Variants in TMEM164 observed in about 807,000 individuals in gnomAD.
TMEM164 encodes the protein transmembrane protein 164.
TMEM164 carries 4 observed loss-of-function variants against 18.8 expected under a neutral mutation model. That is an observed-to-expected ratio of 0.21 (90% CI 0.10 to 0.49). The LOEUF (loss-of-function observed/expected upper bound fraction) is 0.49. Among genes scored for constraint, TMEM164 ranks in the 20% least tolerant of loss-of-function variants. TMEM164 has a pLI of 0.98. For missense variants in TMEM164, 108 were observed against 239.9 expected, an observed-to-expected ratio of 0.45 and a Z score of 3.63; for synonymous variants, 86 against 101.7, an observed-to-expected ratio of 0.85 and a Z score of 0.93.
chrX:110,096,969 G>A (rs1036942970), intron 3 of TMEM164, among the ~76,000 whole-genome samples: 2 of 111,936 alleles, frequency 1.8e-5, no homozygotes, highest in Non-Finnish European at 3.8e-5. Context: ...GAAACAGAAA[G>A]TCAGTGCAGA....
intron 5 of TMEM164, among the ~76,000 whole-genome samples, chrX:110,165,790 A>G (rs1398821759): frequency 8.9e-6 from 1 of 111,881 alleles, no homozygotes; most frequent in African/African-American, 3.2e-5. Context: ...GAAGCCATAG[A>G]CCTGGAAGTT....
At chrX:110,076,441 C>T (rs1433149172) in intron 3 of TMEM164, among the ~76,000 whole-genome samples, 2 of 110,096 alleles carry the variant, frequency 1.8e-5, no homozygotes, top group African/African-American at 6.6e-5. Context: ...TTTTATTGAT[C>T]CTTGGTATGG....
At chrX:110,029,185 C>T (rs1214005003) in intron 2 of TMEM164, among the ~76,000 whole-genome samples, 1 of 111,372 alleles carries the variant, frequency 9.0e-6, no homozygotes, top group Non-Finnish European at 1.9e-5. Context: ...CATTGCCAAA[C>T]AAAATTAACA....
At chrX:110,102,860 A>G (rs1205762023) in intron 3 of TMEM164, among the ~76,000 whole-genome samples, 1 of 112,086 alleles carries the variant, frequency 8.9e-6, no homozygotes, top group Non-Finnish European at 1.9e-5. Flanking sequence ...TCCTCTAGTT[A>G]TTTCACTTCT....
At chrX:110,179,983 A>G (rs994169780), downstream of TMEM164, among the ~76,000 whole-genome samples, 112 of 112,294 alleles carry the variant, frequency 1.0e-3, no homozygotes, top group Non-Finnish European at 1.8e-3. Flanking sequence ...TTGTTTGCCC[A>G]GGCACCTCAA....
chrX:110,029,942 T>C (rs769557518), intron 2 of TMEM164, among the ~76,000 whole-genome samples: 1 of 110,398 alleles, frequency 9.1e-6, no homozygotes, highest in South Asian at 3.9e-4. Flanking sequence ...CTTCTCTGTC[T>C]CTTTTTTTAA....
chrX:110,017,626 A>G (rs1294445886), intron 2 of TMEM164, among the ~76,000 whole-genome samples: 2 of 96,928 alleles, frequency 2.1e-5, no homozygotes, highest in Non-Finnish European at 4.1e-5. Flanking sequence ...CTGGAGTACA[A>G]TGGCATGATC....
At chrX:110,020,518 C>A in intron 2 of TMEM164, 1 of 754,049 alleles carries the variant, frequency 1.3e-6, no homozygotes, top group Non-Finnish European at 1.6e-6. Flanking sequence ...GGGAATGTCT[C>A]CTTTGGGAGC....
intron 2 of TMEM164, among the ~76,000 whole-genome samples, chrX:110,044,593 CTTTTTTTTTT>C (rs56400284): frequency 1.7e-4 from 6 of 35,956 alleles, no homozygotes; most frequent in African/African-American, 7.0e-4. Context: ...CCATTCCTTG[CTTTTTTTTTT>C]TTTTTTTTTT....
chrX:110,057,190 C>T (rs1294979184), intron 2 of TMEM164, among the ~76,000 whole-genome samples: 2 of 111,644 alleles, frequency 1.8e-5, no homozygotes, highest in Non-Finnish European at 3.8e-5. Flanking sequence ...TTTCCCAGCA[C>T]CAGCCCCAGC....
intron 2 of TMEM164, among the ~76,000 whole-genome samples, chrX:110,018,950 A>T (rs368864143): frequency 8.9e-6 from 1 of 112,327 alleles, no homozygotes; most frequent in African/African-American, 3.2e-5. Flanking sequence ...GAGAGCAGGA[A>T]CATTTAAACA....
intron 5 of TMEM164, among the ~76,000 whole-genome samples, chrX:110,146,649 C>T (rs187670141): frequency 1.4e-3 from 152 of 111,991 alleles, no homozygotes; most frequent in African/African-American, 4.7e-3. Flanking sequence ...TCTACCACCC[C>T]GCAGAAGTTG....
intron 2 of TMEM164, among the ~76,000 whole-genome samples, chrX:110,015,096 C>T (rs900557415): frequency 2.1e-4 from 23 of 112,032 alleles, no homozygotes; most frequent in African/African-American, 5.5e-4. Flanking sequence ...TCTGGGGCCT[C>T]GTTTTCAAGA....
intron 4 of TMEM164, among the ~76,000 whole-genome samples, chrX:110,118,255 A>G (rs768060450): frequency 4.5e-5 from 5 of 112,048 alleles, no homozygotes; most frequent in African/African-American, 1.6e-4. Context: ...ATAATCAGTA[A>G]TCTCTTCAGG....
chrX:110,164,079 G>A (rs1050455409), intron 5 of TMEM164, among the ~76,000 whole-genome samples: 11 of 112,211 alleles, frequency 9.8e-5, no homozygotes, highest in Non-Finnish European at 1.7e-4. Flanking sequence ...GGGAAATACA[G>A]TATGATTGCC....
intron 4 of TMEM164, among the ~76,000 whole-genome samples, chrX:110,117,168 TTAAG>T (rs749194544): frequency 9.0e-6 from 1 of 111,340 alleles, no homozygotes; most frequent in Non-Finnish European, 1.9e-5. Flanking sequence ...CTTAGAAAGT[TTAAG>T]TAACTTGTAC....
rs775665553 is a variant in TMEM164 at position 110,065,826 on chromosome X, AC to A, written c.391-1519del. On this transcript the variant is annotated intron_variant, in intron 2 of 6. Coordinates refer to ENST00000372068, the MANE Select transcript of TMEM164 (RefSeq NM_032227.4). ...TTTTATGGGAAACATATGAATATTC[AC>A]CGTAAGTGGAAGAAATAAAGTCTAT... 9.4e-4 allele frequency among the ~76,000 whole-genome samples: 105 copies of A among 112,054 alleles called. 1 individual carries two copies. The highest frequency in any genetic ancestry group is 3.4e-3 in the African/African-American group (104 of 30,841).
intron 4 of TMEM164, among the ~76,000 whole-genome samples, chrX:110,136,707 T>C (rs2066696281): frequency 3.6e-5 from 4 of 110,966 alleles, no homozygotes; most frequent in African/African-American, 1.3e-4. Context: ...TCCTTCCTCA[T>C]CTCCTGGGAT....
chrX:110,005,373 C>G (rs1221773372), intron 2 of TMEM164, among the ~76,000 whole-genome samples: 1 of 111,539 alleles, frequency 9.0e-6, no homozygotes, highest in Non-Finnish European at 1.9e-5. Flanking sequence ...CTGTCAACCC[C>G]AAAGTGAGGG....
Sources: allele counts gnomAD v4.1 joint callset (sites outside exome capture counted in the v4.1 genomes callset), GRCh38; gene constraint gnomAD v4.1.1; transcripts MANE v1.5; gene names NCBI Gene and HGNC (gene_info 2026-07-23, HGNC 2026-07-21).